PLA2G4A: variants seen among roughly 807,000 people sequenced by gnomAD.
The protein encoded by PLA2G4A is cytosolic phospholipase A2.
A neutral mutation model predicts 81.9 loss-of-function variants in PLA2G4A; 40 were observed. That is an observed-to-expected ratio of 0.49 (90% CI 0.38 to 0.64). The LOEUF (loss-of-function observed/expected upper bound fraction) is 0.64, where lower values mean the gene tolerates loss of function less well. Ranked by LOEUF, PLA2G4A falls within the 30% of genes least tolerant of loss-of-function variation. PLA2G4A has a pLI of 0.00. For synonymous variants in PLA2G4A, 302 were observed against 296.9 expected, an observed-to-expected ratio of 1.02 and a Z score of -0.18; for missense variants, 715 against 905.1, an observed-to-expected ratio of 0.79 and a Z score of 2.69.
At chr1:186,938,224 A>G (rs1381817331) in intron 8 of PLA2G4A, among the ~76,000 whole-genome samples, 1 of 151,842 alleles carries the variant, frequency 6.6e-6, no homozygotes, top group Non-Finnish European at 1.5e-5. Context: ...AGATAAGTAA[A>G]CGAGTAATTA....
chr1:186,846,172 T>A (rs1652166633), intron 1 of PLA2G4A, among the ~76,000 whole-genome samples: 1 of 152,184 alleles, frequency 6.6e-6, no homozygotes, highest in South Asian at 2.1e-4. Flanking sequence ...CAGAAATGCC[T>A]TAATTTTGCA....
intron 14 of PLA2G4A, among the ~76,000 whole-genome samples, chr1:186,957,246 AT>A (rs1656785624): frequency 1.3e-5 from 2 of 152,188 alleles, no homozygotes. Context: ...ACTATTTCCT[AT>A]TTTCTGAAAG....
At chr1:186,899,938 C>T (rs141092099) in intron 5 of PLA2G4A, among the ~76,000 whole-genome samples, 5 of 152,250 alleles carry the variant, frequency 3.3e-5, no homozygotes, top group South Asian at 2.1e-4. Flanking sequence ...AGTGAGGATC[C>T]GCTGAAGGTG....
intron 7 of PLA2G4A, among the ~76,000 whole-genome samples, chr1:186,929,827 C>G (rs1311564039): frequency 6.6e-6 from 1 of 152,122 alleles, no homozygotes; most frequent in Non-Finnish European, 1.5e-5. Context: ...GTTGGGAGGG[C>G]AAGGTGGGCA....
intron 7 of PLA2G4A, among the ~76,000 whole-genome samples, chr1:186,917,726 A>G (rs937691996): frequency 6.6e-6 from 1 of 152,172 alleles, no homozygotes; most frequent in Non-Finnish European, 1.5e-5. Flanking sequence ...GCCTCCACCC[A>G]CCCAGAGTAA....
At chr1:186,832,191 AG>A (rs908679618) in intron 1 of PLA2G4A, among the ~76,000 whole-genome samples, 39 of 152,200 alleles carry the variant, frequency 2.6e-4, no homozygotes, top group South Asian at 1.9e-3. Context: ...GATTTATAAT[AG>A]TTTTCCACTA....
chr1:186,934,016 G>A (rs1294158043), intron 8 of PLA2G4A, among the ~76,000 whole-genome samples: 8 of 152,024 alleles, frequency 5.3e-5, no homozygotes, highest in Admixed American at 4.6e-4. Flanking sequence ...TTCTCTATAT[G>A]TACCCTCAAA....
chr1:186,965,534 G>A lies in PLA2G4A; in HGVS notation c.1705G>A (p.Asp569Asn). Residue 569 changes from aspartate (D) to asparagine (N), a missense_variant, in exon 15 of 18, where the codon GAT becomes AAT. Asp to Asn is a conservative substitution (Grantham distance 23, BLOSUM62 1). Transcript: ENST00000367466. Reference sequence around the variant, plus strand: ...GATACTGAGACCTCAGAGAGGGGTTGATCTCATAATCTCCTTTGACTTTTC... The same window carrying A: ...GATACTGAGACCTCAGAGAGGGGTTAATCTCATAATCTCCTTTGACTTTTC... ...PLILRPQRGVDLIISFDFSAR... is the reference protein window; with the variant it reads ...PLILRPQRGVNLIISFDFSAR... The A allele has an allele frequency of 6.2e-7, 1 of 1,613,414 alleles. No individual in the cohort carries two copies. The highest frequency in any genetic ancestry group is 8.5e-7 in the Non-Finnish European group (1 of 1,179,344).
chr1:186,880,567 G>C (rs1036734394), intron 3 of PLA2G4A, among the ~76,000 whole-genome samples: 2 of 151,812 alleles, frequency 1.3e-5, no homozygotes, highest in African/African-American at 4.8e-5. Flanking sequence ...ACACCATAGA[G>C]CAAAGAGTTA....
intron 14 of PLA2G4A, among the ~76,000 whole-genome samples, chr1:186,964,331 A>C (rs775122026): frequency 6.9e-6 from 1 of 144,060 alleles, no homozygotes; most frequent in South Asian, 2.1e-4. Context: ...AGCACCACAC[A>C]TAAATGTGAA....
chr1:186,919,639 T>C (rs1188955880), intron 7 of PLA2G4A, among the ~76,000 whole-genome samples: 2 of 152,040 alleles, frequency 1.3e-5, no homozygotes, highest in African/African-American at 4.8e-5. Flanking sequence ...GTGTACTGAG[T>C]AGTGACACCT....
In PLA2G4A at chr1:186,939,056, A is replaced by C. The variant is rs770772630; in HGVS notation, c.744A>C (p.Pro248=). Residue 248 remains proline, a synonymous_variant, in exon 9 of 18, where the codon CCA becomes CCC. Transcript: ENST00000367466. ...YSHPDFPEKG[P]EEINEELMKN... ...ACCCTGATTTTCCAGAGAAAGGGCC[A>C]GAGGAGATTAATGAAGAACTAATGA... 9.9e-6 allele frequency: 16 copies of C among 1,611,040 alleles called. No homozygotes were observed. The highest frequency in any genetic ancestry group is 1.3e-5 in the African/African-American group (1 of 74,874).
chr1:186,933,862 T>G (rs904382726), intron 8 of PLA2G4A, among the ~76,000 whole-genome samples: 32 of 152,190 alleles, frequency 2.1e-4, no homozygotes, highest in Non-Finnish European at 3.1e-4. Flanking sequence ...TCTGTCATTC[T>G]GAGTTCTTTC....
intron 1 of PLA2G4A, among the ~76,000 whole-genome samples, chr1:186,830,975 T>A (rs1372781503): frequency 7.6e-6 from 1 of 131,576 alleles, no homozygotes; most frequent in African/African-American, 2.9e-5. Flanking sequence ...TCTTTCTTTC[T>A]TTCTTTCTTT....
At chr1:186,964,682 C>T (rs1285143797) in intron 14 of PLA2G4A, among the ~76,000 whole-genome samples, 1 of 152,198 alleles carries the variant, frequency 6.6e-6, no homozygotes, top group Non-Finnish European at 1.5e-5. Context: ...TGATCATTTT[C>T]TTCATTGCAT....
intron 16 of PLA2G4A, among the ~76,000 whole-genome samples, 154 bp downstream of exon 16, chr1:186,977,942 GT>G (rs1207344295): frequency 2.6e-5 from 4 of 152,090 alleles, no homozygotes; most frequent in Non-Finnish European, 4.4e-5. Context: ...GAGACCTCAA[GT>G]ACTTCTCCTC....
At chr1:186,914,087 G>GT (rs1036902696) in intron 7 of PLA2G4A, among the ~76,000 whole-genome samples, 1 of 99,428 alleles carries the variant, frequency 1.0e-5, no homozygotes, top group Non-Finnish European at 1.9e-5. Flanking sequence ...GTTTTGTTTT[G>GT]TTTTTTTGTG....
At chr1:186,883,772 G>A (rs1205413869) in intron 3 of PLA2G4A, among the ~76,000 whole-genome samples, 2 of 152,094 alleles carry the variant, frequency 1.3e-5, no homozygotes, top group African/African-American at 4.8e-5. Flanking sequence ...GTTAAGTAAA[G>A]TGAGAAAAAG....
intron 3 of PLA2G4A, among the ~76,000 whole-genome samples, chr1:186,886,444 AG>A (rs1653941283): frequency 6.6e-6 from 1 of 152,170 alleles, no homozygotes; most frequent in Non-Finnish European, 1.5e-5. Context: ...GGTAGCGAAA[AG>A]GTTGACAATC....
Sources: allele counts gnomAD v4.1 joint callset (sites outside exome capture counted in the v4.1 genomes callset), GRCh38; gene constraint gnomAD v4.1.1; transcripts MANE v1.5; gene names NCBI Gene and HGNC (gene_info 2026-07-23, HGNC 2026-07-21).